Variants in MBP observed in about 807,000 individuals in gnomAD.
MBP encodes the protein myelin basic protein.
Under a neutral mutation model 35.8 loss-of-function variants are expected in MBP, and 16 were observed. That is an observed-to-expected ratio of 0.45 (90% CI 0.30 to 0.68). The LOEUF (loss-of-function observed/expected upper bound fraction) is 0.68. Among genes scored for constraint, MBP ranks in the 30% least tolerant of loss-of-function variants. The pLI is 0.08. For missense variants in MBP, 380 were observed against 404.7 expected (o/e 0.94, Z 0.52); for synonymous variants, 143 against 159.6 (o/e 0.90, Z 0.78).
chr18:77,027,204 C>G (rs1191166030), intron 3 of MBP, among the ~76,000 whole-genome samples: 1 of 152,058 alleles, frequency 6.6e-6, no homozygotes, highest in Non-Finnish European at 1.5e-5. Context: ...AAAAAAAAAG[C>G]AGACAACTAC....
chr18:77,107,333 G>A (rs1273740194), intron 1 of MBP, among the ~76,000 whole-genome samples: 2 of 152,060 alleles, frequency 1.3e-5, no homozygotes, highest in East Asian at 3.9e-4. Context: ...CCTGTTCCTG[G>A]CCCAGGCATC....
In MBP at chr18:77,105,226, G is replaced by T. The variant is rs368195905; in HGVS notation, c.36C>A (p.Ala12=). 1 of 1,612,532 alleles carries T rather than the reference G, an allele frequency of 6.2e-7. No individual in the cohort carries two copies. Among genetic ancestry groups the T allele is most frequent in the Non-Finnish European group, 8.5e-7 (1 of 1,179,042 alleles). Residue 12 remains alanine, a synonymous_variant, in exon 2 of 9, where the codon GCC becomes GCA. Coordinates refer to ENST00000355994, the MANE Select transcript of MBP (RefSeq NM_001025101.2). ...GNHAGKRELN[A]EKASTNSETN... The stretch of plus-strand genomic sequence containing the variant: ...CACGTCTTACCGTACTGGCCTTCTC[G>T]GCATTTAATTCTCGTTTGCCTGCGT...
chr18:77,058,418 C>A lies in MBP; in HGVS notation c.139+7880G>T, dbSNP rs943716237. Among the ~76,000 whole-genome samples the A allele has an allele frequency of 3.3e-5, 5 of 152,190 alleles. No homozygotes were observed. The South Asian group carries it at 6.2e-4, about 19-fold the overall frequency. The stretch of plus-strand genomic sequence containing the variant: ...GCCCGGCCGGACCCAGCCAACGCCC[C>A]GCACAGCTCGCCAGCCACGGGAGGG... On this transcript the variant is annotated intron_variant, in intron 3 of 8. Transcript: ENST00000355994.
At chr18:77,098,043 G>C (rs2145080152) in intron 2 of MBP, among the ~76,000 whole-genome samples, 1 of 152,198 alleles carries the variant, frequency 6.6e-6, no homozygotes, top group East Asian at 1.9e-4. Flanking sequence ...GGGCTCTACA[G>C]CCCCAGGGAG....
At chr18:77,025,051 G>T (rs1392790737) in intron 3 of MBP, among the ~76,000 whole-genome samples, 1 of 152,178 alleles carries the variant, frequency 6.6e-6, no homozygotes, top group African/African-American at 2.4e-5. Context: ...TCCGAGGCGG[G>T]TGGTTTTAGT....
chr18:77,084,925 TAAG>T (rs1214474287), intron 2 of MBP, among the ~76,000 whole-genome samples: 1 of 150,358 alleles, frequency 6.7e-6, no homozygotes, highest in Non-Finnish European at 1.5e-5. Context: ...TTAAGTAAAA[TAAG>T]AAGGATGATC....
intron 4 of MBP, among the ~76,000 whole-genome samples, chr18:77,010,735 T>G (rs535258515): frequency 8.1e-4 from 124 of 152,336 alleles, no homozygotes; most frequent in African/African-American, 2.8e-3. Context: ...TAGCATTAGC[T>G]CCTAACTTAA....
intron 3 of MBP, among the ~76,000 whole-genome samples, chr18:77,061,991 G>A (rs866049036): frequency 4.6e-5 from 7 of 152,178 alleles, no homozygotes; most frequent in Non-Finnish European, 1.0e-4. Context: ...GAACACAGAC[G>A]CGGGCTGGTG....
intron 1 of MBP, among the ~76,000 whole-genome samples, chr18:77,111,873 A>G (rs1976464520): frequency 6.6e-6 from 1 of 152,244 alleles, no homozygotes. Context: ...CAAATTTCAA[A>G]GAACAAGCAA....
chr18:77,080,737 G>A (rs942988022), intron 2 of MBP, among the ~76,000 whole-genome samples: 1 of 152,106 alleles, frequency 6.6e-6, no homozygotes, highest in Non-Finnish European at 1.5e-5. Flanking sequence ...AGGCTGGAGT[G>A]CAGTGGTACA....
intron 2 of MBP, among the ~76,000 whole-genome samples, chr18:77,100,786 C>G (rs1298760111): frequency 6.6e-6 from 1 of 152,058 alleles, no homozygotes; most frequent in Non-Finnish European, 1.5e-5. Flanking sequence ...CTCCTAGGCT[C>G]AAGCAATCTG....
At chr18:77,045,065 G>C (rs1599133365) in intron 3 of MBP, among the ~76,000 whole-genome samples, 2 of 152,176 alleles carry the variant, frequency 1.3e-5, no homozygotes, top group Non-Finnish European at 2.9e-5. Context: ...TATGATGATG[G>C]AGGCTGGTTT....
At chr18:77,035,491 T>C (rs1235519432) in intron 3 of MBP, among the ~76,000 whole-genome samples, 4 of 152,220 alleles carry the variant, frequency 2.6e-5, no homozygotes, top group African/African-American at 9.6e-5. Flanking sequence ...CACGTCTCCA[T>C]TAGGAATCAG....
intron 2 of MBP, among the ~76,000 whole-genome samples, chr18:77,084,139 A>G (rs1001806067): frequency 2.0e-5 from 3 of 152,004 alleles, no homozygotes; most frequent in Admixed American, 6.5e-5. Flanking sequence ...CCCACAGACA[A>G]CATTACTTAG....
chr18:77,014,228 TG>T (rs1971500573), intron 4 of MBP: 6 of 985,412 alleles, frequency 6.1e-6, no homozygotes, highest in Non-Finnish European at 6.0e-6. Flanking sequence ...GCATGGGTGT[TG>T]TTAGGGCATT....
intron 2 of MBP, among the ~76,000 whole-genome samples, chr18:77,090,561 G>T (rs1975467308): frequency 6.6e-6 from 1 of 152,214 alleles, no homozygotes; most frequent in Non-Finnish European, 1.5e-5. Flanking sequence ...ACCTCCCGGT[G>T]CACCCGCAAT....
Position 76,990,044 on chromosome 18 carries a change from G to C in MBP, c.593C>G (p.Ala198Gly). The C allele has an allele frequency of 6.2e-7, 1 of 1,612,542 alleles. No homozygotes were observed. Among genetic ancestry groups the C allele is most frequent in the Non-Finnish European group, 8.5e-7 (1 of 1,179,480 alleles). The change falls in exon 5 of 9, where the codon GCA (alanine) becomes GGA (glycine). Residue 198 changes from alanine to glycine, a missense_variant. By Grantham distance (60) the Ala-to-Gly change is moderately conservative. Transcript: ENST00000355994. ...CAGGGAGCCGTAGTGAGCAGTTCTT[G>C]CCGGGTGGTGTGAGTCCTGAAACAC... ...RGSGKDSHHP[A>G]RTAHYGSLPQ... is the part of the protein sequence containing the mutation.
intron 1 of MBP, among the ~76,000 whole-genome samples, chr18:77,111,356 A>G (rs760619007): frequency 9.9e-5 from 15 of 152,158 alleles, no homozygotes; most frequent in Admixed American, 2.6e-4. Context: ...CAAAATAATA[A>G]AGGAGATACC....
chr18:77,095,318 C>T (rs1309173324), intron 2 of MBP: 1 of 152,150 alleles, frequency 6.6e-6, no homozygotes, highest in African/African-American at 2.4e-5. Context: ...TATTAAATGG[C>T]CAATTTAAGA....
Sources: allele counts gnomAD v4.1 joint callset (sites outside exome capture counted in the v4.1 genomes callset), GRCh38; gene constraint gnomAD v4.1.1; transcripts MANE v1.5; gene names NCBI Gene and HGNC (gene_info 2026-07-23, HGNC 2026-07-21).